The following TRIOBP variants were observed in gnomAD, a reference collection of about 807,000 sequenced individuals.
The protein encoded by TRIOBP is TRIO and F-actin binding protein.
In TRIOBP, 169 loss-of-function variants were observed where a neutral mutation model predicts 238.8. The ratio of observed to expected loss-of-function variants is 0.71; its 90% CI spans 0.62 to 0.80. The LOEUF is 0.80. TRIOBP is among the 30% of genes least tolerant of loss of function. The pLI is 0.00. For missense variants in TRIOBP, 2,838 were observed against 3,122.6 expected (o/e 0.91, Z 2.17); for synonymous variants, 1,150 against 1,274.4 (o/e 0.90, Z 2.08).
chr22:37,763,025 A>C (rs1926318413), intron 17 of TRIOBP, among the ~76,000 whole-genome samples: 1 of 152,074 alleles, frequency 6.6e-6, no homozygotes. Flanking sequence ...GCCACTCAGG[A>C]AGGTAGGTGA....
intron 11 of TRIOBP, among the ~76,000 whole-genome samples, chr22:37,744,061 T>C (rs935046145): frequency 5.4e-5 from 8 of 148,276 alleles, no homozygotes; most frequent in Non-Finnish European, 1.0e-4. Context: ...TGGAGTGGAA[T>C]GCAGTGGTGT....
chr22:37,761,099 A>G lies in TRIOBP; in HGVS notation c.6324+1835A>G, dbSNP rs113522066. On this transcript the variant is annotated intron_variant, in intron 17 of 23. Transcript: ENST00000644935. ...CTCTCAGGAAGGCATTGGCTGGGGC[A>G]TGAGAAGGAAGGCTGGTTGGTGCGT... Among the ~76,000 whole-genome samples, 1,032 of 152,206 alleles carry G rather than the reference A, an allele frequency of 6.8e-3. 12 individuals are homozygous for G. The highest frequency in any genetic ancestry group is 0.023 in the African/African-American group (965 of 41,542).
chr22:37,760,756 A>G (rs1038137541), intron 17 of TRIOBP, among the ~76,000 whole-genome samples: 3 of 152,072 alleles, frequency 2.0e-5, no homozygotes, highest in Non-Finnish European at 4.4e-5. Context: ...TGGGCAGATC[A>G]CGAGGTCAGG....
Position 37,724,943 on chromosome 22 carries a change from C to A in TRIOBP, c.2387C>A (p.Ala796Asp). 6.2e-7 allele frequency: 1 copy of A among 1,613,960 alleles called. No individual in the cohort carries two copies. The highest frequency in any genetic ancestry group is 1.7e-5 in the Admixed American group (1 of 59,998). ...ATRDNPRTSC[A>D]QRDNLRASSP... ...CGAGACAACCCCAGAACATCCTGTG[C>A]CCAGCGGGACAATCTCAGAGCCTCC... Residue 796 changes from alanine to aspartate, a missense_variant, in exon 7 of 24, where the codon GCC becomes GAC. Physicochemically the swap from Ala to Asp is moderately radical, Grantham distance 126. This residue lies in a region of TRIOBP where 2,096 missense variants were observed against 2,137.4 expected (regional missense o/e 0.98). Coordinates refer to ENST00000644935, the MANE Select transcript of TRIOBP (RefSeq NM_001039141.3).
At chr22:37,709,652 C>T (rs1287170714) in intron 3 of TRIOBP, among the ~76,000 whole-genome samples, 3 of 152,212 alleles carry the variant, frequency 2.0e-5, no homozygotes, top group Non-Finnish European at 4.4e-5. Context: ...GGGGAGGGAA[C>T]TGCCGCTCTC....
chr22:37,752,507 C>G (rs1331707304), intron 12 of TRIOBP, among the ~76,000 whole-genome samples: 1 of 152,228 alleles, frequency 6.6e-6, no homozygotes, highest in Admixed American at 6.5e-5. Context: ...ACTGCCTGGG[C>G]AGGAGCGTCT....
Position 37,726,431 on chromosome 22 carries a change from A to G in TRIOBP, c.3875A>G (p.Gln1292Arg). ...CAGAGACAGCCAGGGCCCCAGGCGC[A>G]GTGCAGCAGCGGGGGCCGCACCCAC... ...LAQRQPGPQAQCSSGGRTHSP... is the reference protein window; with the variant it reads ...LAQRQPGPQARCSSGGRTHSP... Residue 1292 changes from glutamine (Q) to arginine (R), a missense_variant, in exon 7 of 24, where the codon CAG (glutamine) becomes CGG (arginine). Physicochemically the swap from Gln to Arg is conservative, Grantham distance 43. Coordinates refer to ENST00000644935, the MANE Select transcript of TRIOBP (RefSeq NM_001039141.3). 2.5e-6 allele frequency: 4 copies of G among 1,585,322 alleles called. No individual in the cohort carries two copies. Among genetic ancestry groups the G allele is most frequent in the Non-Finnish European group, 3.4e-6 (4 of 1,167,304 alleles).
chr22:37,722,827 A>C (rs1923903870), intron 6 of TRIOBP, among the ~76,000 whole-genome samples: 1 of 152,028 alleles, frequency 6.6e-6, no homozygotes, highest in South Asian at 2.1e-4. Flanking sequence ...TGTTGGGCCC[A>C]CCTCTCCCTC....
chr22:37,728,698 A>G (rs1252318636), intron 7 of TRIOBP, among the ~76,000 whole-genome samples: 1 of 152,106 alleles, frequency 6.6e-6, no homozygotes, highest in Non-Finnish European at 1.5e-5. Context: ...GCCTCAAGGG[A>G]TCCTCCTTTC....
chr22:37,723,410 C>T lies in TRIOBP; in HGVS notation c.854C>T (p.Thr285Ile). 6.2e-7 allele frequency: 1 copy of T among 1,613,904 alleles called. No homozygotes were observed. The highest frequency in any genetic ancestry group is 8.5e-7 in the Non-Finnish European group (1 of 1,179,956). Reference protein sequence around the residue: ...IPRASSPHRITQRDTSRASST... With the variant: ...IPRASSPHRIIQRDTSRASST... ...AGAGCCTCCTCTCCCCATCGAATCACCCAAAGGGACACCTCCAGGGCCTCA... is the reference window on the plus strand; with the variant it reads ...AGAGCCTCCTCTCCCCATCGAATCATCCAAAGGGACACCTCCAGGGCCTCA... Residue 285 changes from threonine to isoleucine, a missense_variant, in exon 7 of 24, where the codon ACC (threonine) becomes ATC (isoleucine). Around this residue, in one of 5 missense-constraint regions of TRIOBP, gnomAD observed 535 missense variants for 537.3 expected, o/e 1.00. Transcript: ENST00000644935.
chr22:37,739,615 C>T (rs1444930012), intron 10 of TRIOBP, among the ~76,000 whole-genome samples: 1 of 152,170 alleles, frequency 6.6e-6, no homozygotes, highest in South Asian at 2.1e-4. Context: ...TGCACCTCCA[C>T]CTGGCACCCA....
In TRIOBP at chr22:37,774,739, A is replaced by G. The variant is rs528045845; in HGVS notation, c.*959A>G. 6 of 152,380 alleles carry G rather than the reference A, an allele frequency of 3.9e-5. No individual in the cohort carries two copies. The highest frequency in any genetic ancestry group is 3.9e-4 in the Admixed American group (6 of 15,284). 9.4% of individuals were successfully genotyped at this position (152,380 alleles called of 1,614,324 possible). Reference sequence around the variant, plus strand: ...TGTGGGAAATAGCAAGTCCAGTCCCACCCCAACCTACTGAACCAGCGTCTG... The same window carrying G: ...TGTGGGAAATAGCAAGTCCAGTCCCGCCCCAACCTACTGAACCAGCGTCTG... On this transcript the variant is annotated 3_prime_UTR_variant, in exon 24 of 24. Coordinates refer to ENST00000644935, the MANE Select transcript of TRIOBP (RefSeq NM_001039141.3).
chr22:37,754,864 ATCC>A lies in TRIOBP; in HGVS notation c.5380-8_5380-6del, dbSNP rs769062370. On this transcript the variant is annotated splice_polypyrimidine_tract_variant and intron_variant, in intron 12 of 23. Coordinates refer to ENST00000644935, the MANE Select transcript of TRIOBP (RefSeq NM_001039141.3). ...TCACACACACTGGCTCTTTCATTCCATCCTCCTTGCAGCCTCCCTCCCCCTCGC... is the reference window on the plus strand; with the variant it reads ...TCACACACACTGGCTCTTTCATTCCATCCTTGCAGCCTCCCTCCCCCTCGC... 3 of 1,613,438 alleles carry A rather than the reference ATCC, an allele frequency of 1.9e-6. No homozygotes were observed. Among genetic ancestry groups the A allele is most frequent in the South Asian group, 1.1e-5 (1 of 91,070 alleles).
Position 37,726,467 on chromosome 22 carries a change from G to T in TRIOBP, c.3911G>T (p.Arg1304Leu), listed in dbSNP as rs757717377. The stretch of plus-strand genomic sequence containing the variant: ...GGGGGCCGCACCCACAGCCCTGGCC[G>T]TGCAGAGGTGGAGCGCCTCTTCGGG... ...SSGGRTHSPGRAEVERLFGQE... is the reference protein window; with the variant it reads ...SSGGRTHSPGLAEVERLFGQE... The change falls in exon 7 of 24, where the codon CGT becomes CTT. Residue 1304 changes from arginine (R) to leucine (L), a missense_variant. Around this residue, in one of 5 missense-constraint regions of TRIOBP, gnomAD observed 2,096 missense variants for 2,137.4 expected, o/e 0.98. Transcript: ENST00000644935. 1 of 1,550,234 alleles carries T rather than the reference G, an allele frequency of 6.5e-7. No homozygotes were observed. The highest frequency in any genetic ancestry group is 1.2e-5 in the South Asian group (1 of 85,198).
intron 19 of TRIOBP, 30 bp from the exon 20 acceptor site, chr22:37,768,998 A>G (rs565225251): frequency 1.7e-5 from 27 of 1,612,730 alleles, no homozygotes; most frequent in African/African-American, 1.1e-4. Context: ...AAGACAACCT[A>G]TGCTCTCCTC....
chr22:37,766,507 G>T (rs1043127194), intron 18 of TRIOBP, among the ~76,000 whole-genome samples: 2 of 152,254 alleles, frequency 1.3e-5, no homozygotes, highest in Non-Finnish European at 2.9e-5. Flanking sequence ...CTTTGCAGCC[G>T]CGTGTGTTAG....
At position 37,747,222 on chromosome 22, in the gene TRIOBP, GC is replaced by G. The variant is rs1229778138; in HGVS notation, c.5323-4547del. 5.9e-5 allele frequency among the ~76,000 whole-genome samples: 9 copies of G among 152,332 alleles called. No individual in the cohort carries two copies. The South Asian group carries it at 1.2e-3, about 21-fold the overall frequency. ...GCTTGGGGAGGGGCGCTGGTGAGTT[GC>G]CCGAGGTCACCCCAAGTATAAGAGA... is the stretch of plus-strand genomic sequence containing the variant. On this transcript the variant is annotated intron_variant, in intron 11 of 23. Transcript: ENST00000644935.
chr22:37,722,916 C>T (rs1923907428), intron 6 of TRIOBP, among the ~76,000 whole-genome samples: 1 of 152,218 alleles, frequency 6.6e-6, no homozygotes, highest in African/African-American at 2.4e-5. Context: ...GATCCCCAGA[C>T]CCTGTGGCCT....
intron 11 of TRIOBP, among the ~76,000 whole-genome samples, chr22:37,741,994 A>G (rs1479173397): frequency 6.6e-6 from 1 of 152,138 alleles, no homozygotes; most frequent in Non-Finnish European, 1.5e-5. Flanking sequence ...GTCTCGCTCT[A>G]TCGCCCAGGC....
Sources: allele counts gnomAD v4.1 joint callset (sites outside exome capture counted in the v4.1 genomes callset), GRCh38; gene constraint gnomAD v4.1.1; regional missense constraint gnomAD v4.1.1; transcripts MANE v1.5; gene names NCBI Gene and HGNC (gene_info 2026-07-23, HGNC 2026-07-21).